The following TSHZ2 variants were observed in gnomAD, a reference collection of about 807,000 sequenced individuals.
The protein encoded by TSHZ2 is teashirt zinc finger homeobox 2, also known as teashirt homolog 2.
TSHZ2 carries 21 observed loss-of-function variants against 74.4 expected under a neutral mutation model. That is an observed-to-expected ratio of 0.28 (90% CI 0.20 to 0.41). The LOEUF is 0.41. Ranked by LOEUF, TSHZ2 falls within the 10% of genes least tolerant of loss-of-function variation. TSHZ2 has a pLI of 1.00. For synonymous variants in TSHZ2, 540 were observed against 515.3 expected (o/e 1.05, Z -0.65); for missense variants, 1,244 against 1,293.5 (o/e 0.96, Z 0.59).
At chr20:53,197,762 A>G (rs1988907762) in intron 1 of TSHZ2, among the ~76,000 whole-genome samples, 2 of 152,212 alleles carry the variant, frequency 1.3e-5, no homozygotes, top group South Asian at 2.1e-4. Context: ...ACTGGGCCAG[A>G]ACAGACAAAC....
chr20:53,098,954 A>T (rs1191821100), intron 1 of TSHZ2, among the ~76,000 whole-genome samples: 1 of 152,168 alleles, frequency 6.6e-6, no homozygotes, highest in East Asian at 1.9e-4. Context: ...TCCCTCTCTT[A>T]GCATATTTTC....
Position 53,446,496 on chromosome 20 carries a change from G to A in TSHZ2, c.*9-40648G>A, listed in dbSNP as rs191438613. Among the ~76,000 whole-genome samples, 918 of 150,206 alleles carry A rather than the reference G, an allele frequency of 6.1e-3. 47 individuals carry two copies. The highest frequency in any genetic ancestry group is 0.057 in the Admixed American group (859 of 15,028). On this transcript the variant is annotated intron_variant, in intron 2 of 2. Coordinates refer to ENST00000371497, the MANE Select transcript of TSHZ2 (RefSeq NM_173485.6). ...CGGGAGGCTGAGGCAGGAGAATGGC[G>A]TGAACCCAGGCGGCAGAGCTTGCAG...
intron 2 of TSHZ2, among the ~76,000 whole-genome samples, chr20:53,432,792 A>AAGTT (rs1387168923): frequency 6.6e-6 from 1 of 152,196 alleles, no homozygotes; most frequent in African/African-American, 2.4e-5. Context: ...AGAAAATTCT[A>AAGTT]AGTTAGGAAT....
At chr20:53,138,423 G>T (rs986025586) in intron 1 of TSHZ2, among the ~76,000 whole-genome samples, 1 of 151,116 alleles carries the variant, frequency 6.6e-6, no homozygotes, top group Non-Finnish European at 1.5e-5. Context: ...TTCACATATA[G>T]GTTCCTCCAA....
intron 2 of TSHZ2, among the ~76,000 whole-genome samples, chr20:53,272,598 C>T (rs1201873980): frequency 6.6e-6 from 1 of 152,184 alleles, no homozygotes; most frequent in Non-Finnish European, 1.5e-5. Context: ...CATAAAAGTA[C>T]ACAAAACATG....
chr20:53,482,928 G>GAAAT (rs1423671909), intron 2 of TSHZ2, among the ~76,000 whole-genome samples: 3 of 151,950 alleles, frequency 2.0e-5, no homozygotes, highest in Admixed American at 2.0e-4. Flanking sequence ...AAAAGAAAAA[G>GAAAT]AAATAATTTT....
At chr20:53,086,552 T>C (rs1985706093) in intron 1 of TSHZ2, among the ~76,000 whole-genome samples, 1 of 152,128 alleles carries the variant, frequency 6.6e-6, no homozygotes, top group Admixed American at 6.5e-5. Context: ...TGGAAGGTGA[T>C]TGTTGGAGAA....
intron 1 of TSHZ2, among the ~76,000 whole-genome samples, chr20:53,104,095 G>T (rs1034442199): frequency 6.6e-6 from 1 of 152,176 alleles, no homozygotes; most frequent in African/African-American, 2.4e-5. Flanking sequence ...GGACATCTGA[G>T]TTCTAAGACA....
chr20:53,113,811 T>G (rs1462125497), intron 1 of TSHZ2, among the ~76,000 whole-genome samples: 1 of 152,200 alleles, frequency 6.6e-6, no homozygotes, highest in African/African-American at 2.4e-5. Context: ...ATTAGTGTTT[T>G]ATATAAGGCT....
chr20:53,242,534 G>A (rs1391019480), intron 1 of TSHZ2, among the ~76,000 whole-genome samples: 1 of 152,142 alleles, frequency 6.6e-6, no homozygotes, highest in African/African-American at 2.4e-5. Flanking sequence ...TAGGGTTTAA[G>A]GCAAGAAGAA....
chr20:53,419,990 A>T (rs1983410212), intron 2 of TSHZ2, among the ~76,000 whole-genome samples: 1 of 152,208 alleles, frequency 6.6e-6, no homozygotes, highest in Non-Finnish European at 1.5e-5. Context: ...ACCGTATATA[A>T]AGCAGGAATT....
intron 2 of TSHZ2, among the ~76,000 whole-genome samples, chr20:53,368,333 G>A (rs528252863): frequency 1.1e-3 from 172 of 151,588 alleles, no homozygotes; most frequent in Non-Finnish European, 2.0e-3. Context: ...GTTTTGATAC[G>A]GAAGCTCCCC....
chr20:53,118,908 G>A (rs576975416), intron 1 of TSHZ2, among the ~76,000 whole-genome samples: 1 of 152,172 alleles, frequency 6.6e-6, no homozygotes, highest in East Asian at 1.9e-4. Flanking sequence ...CACAATCATG[G>A]CAGAAGATGA....
intron 1 of TSHZ2, among the ~76,000 whole-genome samples, chr20:53,188,182 G>A (rs1293382): frequency 0.2 from 30,145 of 152,044 alleles, 3,591 homozygotes; most frequent in Admixed American, 0.26. Context: ...TTTGCATGGC[G>A]GCAATGACTA....
chr20:53,303,660 G>T (rs539270046), intron 2 of TSHZ2, among the ~76,000 whole-genome samples: 38 of 152,292 alleles, frequency 2.5e-4, no homozygotes, highest in African/African-American at 8.9e-4. Context: ...TGGGGTTGTG[G>T]ATAAGAACTT....
At chr20:53,282,761 G>A (rs1397569960) in intron 2 of TSHZ2, among the ~76,000 whole-genome samples, 1 of 152,196 alleles carries the variant, frequency 6.6e-6, no homozygotes, top group Non-Finnish European at 1.5e-5. Context: ...CTAGCCAGTG[G>A]CGTCATGCAG....
At chr20:53,419,437 A>G (rs6022454) in intron 2 of TSHZ2, among the ~76,000 whole-genome samples, 6,837 of 152,300 alleles carry the variant, frequency 0.045, 300 homozygotes, top group African/African-American at 0.12. Flanking sequence ...AGTTTCTGCT[A>G]TGGGTTAGAC....
chr20:53,164,522 T>A (rs1435357527), intron 1 of TSHZ2, among the ~76,000 whole-genome samples: 1 of 152,218 alleles, frequency 6.6e-6, no homozygotes, highest in African/African-American at 2.4e-5. Context: ...GAACTTTCTG[T>A]GATGATGGAA....
At chr20:53,462,220 C>T (rs1052908274) in intron 2 of TSHZ2, among the ~76,000 whole-genome samples, 1 of 152,176 alleles carries the variant, frequency 6.6e-6, no homozygotes, top group South Asian at 2.1e-4. Context: ...TGCCATTGTA[C>T]TCCAGCCTGG....
Sources: gnomAD v4.1 joint callset for allele counts (sites outside exome capture counted in the v4.1 genomes callset) on GRCh38, gnomAD v4.1.1 for gene constraint, MANE v1.5 for transcripts, NCBI Gene and HGNC (gene_info 2026-07-23, HGNC 2026-07-21) for gene names.